Variants in SNTG1 observed in about 807,000 individuals in gnomAD.
SNTG1 encodes the protein syntrophin gamma 1, also known as gamma-1-syntrophin.
SNTG1 carries 39 observed loss-of-function variants against 74.7 expected under a neutral mutation model. The observed-to-expected ratio is 0.52, with a 90% CI of 0.40 to 0.68. The LOEUF (loss-of-function observed/expected upper bound fraction) is 0.68. Among genes scored for constraint, SNTG1 ranks in the 30% least tolerant of loss-of-function variants. SNTG1 has a pLI of 0.00. For missense variants in SNTG1, 685 were observed against 609.5 expected (o/e 1.12, Z -1.30); for synonymous variants, 254 against 217.1 (o/e 1.17, Z -1.49).
chr8:50,591,531 T>C (rs563941727), intron 13 of SNTG1, among the ~76,000 whole-genome samples: 4 of 152,340 alleles, frequency 2.6e-5, no homozygotes, highest in East Asian at 1.9e-4. Flanking sequence ...AGTTCCCCTA[T>C]GTGCAACATT....
At chr8:50,568,206 A>G (rs1252362094) in intron 12 of SNTG1, among the ~76,000 whole-genome samples, 1 of 112,908 alleles carries the variant, frequency 8.9e-6, no homozygotes, top group Non-Finnish European at 2.0e-5. Context: ...TAATGGCTGA[A>G]TAGTATTCCA....
chr8:50,384,277 T>G (rs2131251301), intron 2 of SNTG1, among the ~76,000 whole-genome samples: 1 of 152,252 alleles, frequency 6.6e-6, no homozygotes, highest in African/African-American at 2.4e-5. Flanking sequence ...CCAGTGAAAT[T>G]TATGAGCATG....
At chr8:50,161,569 T>C (rs997406159) in intron 1 of SNTG1, among the ~76,000 whole-genome samples, 2 of 152,082 alleles carry the variant, frequency 1.3e-5, no homozygotes, top group African/African-American at 4.8e-5. Context: ...GACCTGATAG[T>C]GTGTGGTGCA....
intron 2 of SNTG1, among the ~76,000 whole-genome samples, chr8:50,333,377 A>C (rs1280983754): frequency 6.6e-6 from 1 of 152,214 alleles, no homozygotes. Context: ...ACATTTTTGA[A>C]ATATATGTGT....
At chr8:50,270,197 A>C (rs1247737689) in intron 2 of SNTG1, among the ~76,000 whole-genome samples, 1 of 152,160 alleles carries the variant, frequency 6.6e-6, no homozygotes, top group Non-Finnish European at 1.5e-5. Flanking sequence ...TGCAGGCCAG[A>C]TTTTAGGTTT....
chr8:50,315,311 G>A (rs931331740), intron 2 of SNTG1, among the ~76,000 whole-genome samples: 12 of 149,628 alleles, frequency 8.0e-5, no homozygotes, highest in African/African-American at 3.0e-4. Flanking sequence ...GAGCTAATGG[G>A]AGATAATTTA....
chr8:50,761,789 T>A (rs1585730316), intron 18 of SNTG1, among the ~76,000 whole-genome samples: 1 of 152,094 alleles, frequency 6.6e-6, no homozygotes, highest in Non-Finnish European at 1.5e-5. Flanking sequence ...AAGACAATCC[T>A]AAATTATAAC....
intron 13 of SNTG1, among the ~76,000 whole-genome samples, chr8:50,635,384 T>C (rs1691845823): frequency 6.6e-6 from 1 of 151,654 alleles, no homozygotes; most frequent in South Asian, 2.1e-4. Flanking sequence ...GGGCAGTGAG[T>C]TTTTTCAGGC....
chr8:49,978,440 G>A (rs1485153670), intron 1 of SNTG1, among the ~76,000 whole-genome samples: 1 of 152,218 alleles, frequency 6.6e-6, no homozygotes, highest in East Asian at 1.9e-4. Flanking sequence ...ATACTTAACA[G>A]AGAAATGTCT....
chr8:50,718,777 A>G (rs2095480762), intron 17 of SNTG1, among the ~76,000 whole-genome samples: 4 of 152,240 alleles, frequency 2.6e-5, no homozygotes, highest in South Asian at 2.1e-4. Context: ...CAGAAGTCAT[A>G]TTAGTAAATG....
chr8:49,915,270 C>T (rs1425073349), intron 1 of SNTG1, among the ~76,000 whole-genome samples: 4 of 151,948 alleles, frequency 2.6e-5, no homozygotes, highest in African/African-American at 7.3e-5. Context: ...ACTGGAAAGT[C>T]GAAATTCAAT....
intron 18 of SNTG1, among the ~76,000 whole-genome samples, chr8:50,757,342 T>G (rs961234975): frequency 6.6e-6 from 1 of 151,874 alleles, no homozygotes; most frequent in Non-Finnish European, 1.5e-5. Context: ...AGTTTAGCCT[T>G]ACATATTTGT....
chr8:50,438,339 G>C (rs2093325777), intron 4 of SNTG1, among the ~76,000 whole-genome samples: 1 of 152,132 alleles, frequency 6.6e-6, no homozygotes, highest in Admixed American at 6.5e-5. Context: ...TTCAGTCCCT[G>C]TTATTTTAAC....
At chr8:50,468,620 C>T (rs2093627876) in intron 8 of SNTG1, among the ~76,000 whole-genome samples, 1 of 152,062 alleles carries the variant, frequency 6.6e-6, no homozygotes, top group African/African-American at 2.4e-5. Context: ...TTATACCATT[C>T]AAATATAAAG....
chr8:50,506,278 G>T (rs572612079), intron 9 of SNTG1, among the ~76,000 whole-genome samples: 1 of 152,144 alleles, frequency 6.6e-6, no homozygotes, highest in Non-Finnish European at 1.5e-5. Context: ...TTCAGAAAGT[G>T]TAAAGCCCCA....
At chr8:50,500,111 G>T (rs537930024) in intron 8 of SNTG1, among the ~76,000 whole-genome samples, 1 of 152,072 alleles carries the variant, frequency 6.6e-6, no homozygotes, top group East Asian at 1.9e-4. Context: ...TCCAATTGGA[G>T]AAATTTTCAG....
chr8:50,176,570 G>A (rs1483700223), intron 2 of SNTG1, among the ~76,000 whole-genome samples: 4 of 152,116 alleles, frequency 2.6e-5, no homozygotes, highest in Non-Finnish European at 5.9e-5. Context: ...ATAGCAGTGA[G>A]GTTCCCCTAG....
chr8:50,729,893 A>G (rs1173826592), intron 17 of SNTG1, among the ~76,000 whole-genome samples: 2 of 152,154 alleles, frequency 1.3e-5, no homozygotes, highest in Admixed American at 6.6e-5. Flanking sequence ...AACTGTGACC[A>G]AGGAATTCAT....
At chr8:50,645,004 C>T (rs1309030839) in intron 13 of SNTG1, among the ~76,000 whole-genome samples, 1 of 151,536 alleles carries the variant, frequency 6.6e-6, no homozygotes, top group Non-Finnish European at 1.5e-5. Context: ...GATCTGCCCA[C>T]CTTGGCCGCC....
Sources: gnomAD v4.1 joint callset for allele counts (sites outside exome capture counted in the v4.1 genomes callset) on GRCh38, gnomAD v4.1.1 for gene constraint, MANE v1.5 for transcripts, NCBI Gene and HGNC (gene_info 2026-07-23, HGNC 2026-07-21) for gene names.